The following ARHGAP8 variants were observed in gnomAD, a reference collection of about 807,000 sequenced individuals.
ARHGAP8 encodes Rho GTPase activating protein 8, also known as rho GTPase-activating protein 8.
Under a neutral mutation model 46.1 loss-of-function variants are expected in ARHGAP8, and 62 were observed. The observed-to-expected ratio is 1.34, with a 90% CI of 1.10 to 1.66. ARHGAP8 has a LOEUF of 1.66. Among genes scored for constraint, ARHGAP8 ranks in the 40% most tolerant of loss-of-function variants. The pLI is 0.00. For missense variants in ARHGAP8, 923 were observed against 568.4 expected (o/e 1.62, Z -6.34); for synonymous variants, 375 against 243.1 (o/e 1.54, Z -5.05).
intron 4 of ARHGAP8, among the ~76,000 whole-genome samples, chr22:44,813,321 A>G (rs1043555171): frequency 4.1e-5 from 6 of 145,640 alleles, no homozygotes; most frequent in Non-Finnish European, 8.8e-5. Flanking sequence ...ACCTGCATAC[A>G]CATACATACA....
chr22:44,821,726 G>T (rs1348643787), intron 5 of ARHGAP8, among the ~76,000 whole-genome samples: 1 of 152,216 alleles, frequency 6.6e-6, no homozygotes, highest in African/African-American at 2.4e-5. Flanking sequence ...CCTCACTTAG[G>T]AGGGAGAACC....
At chr22:44,848,320 GC>G (rs561494034) in intron 9 of ARHGAP8, among the ~76,000 whole-genome samples, 6 of 151,990 alleles carry the variant, frequency 3.9e-5, no homozygotes, top group African/African-American at 1.4e-4. Flanking sequence ...ACACCACGTG[GC>G]ACGTGCTTTC....
chr22:44,861,936 G>C (rs1230467567), intron 11 of ARHGAP8, among the ~76,000 whole-genome samples: 2 of 152,150 alleles, frequency 1.3e-5, no homozygotes, highest in Admixed American at 6.6e-5. Context: ...GGCCAGAGAG[G>C]TCACCAAGTT....
chr22:44,794,865 G>T (rs1425777682), intron 2 of ARHGAP8, among the ~76,000 whole-genome samples: 2 of 151,818 alleles, frequency 1.3e-5, no homozygotes, highest in African/African-American at 4.8e-5. Context: ...GTGTTCACTT[G>T]GAAGGACATT....
chr22:44,758,511 A>G (rs992223708), intron 1 of ARHGAP8, among the ~76,000 whole-genome samples: 9 of 151,984 alleles, frequency 5.9e-5, no homozygotes, highest in African/African-American at 2.2e-4. Flanking sequence ...GTGAGGAGGT[A>G]GATTTGAATT....
intron 7 of ARHGAP8, among the ~76,000 whole-genome samples, chr22:44,837,754 A>G (rs956503624): frequency 6.6e-6 from 1 of 152,146 alleles, no homozygotes; most frequent in Non-Finnish European, 1.5e-5. Flanking sequence ...TATGGAGAGT[A>G]GTAATTCGAT....
intron 10 of ARHGAP8, among the ~76,000 whole-genome samples, chr22:44,859,052 C>T (rs1371477515): frequency 1.3e-5 from 2 of 151,408 alleles, no homozygotes; most frequent in Non-Finnish European, 3.0e-5. Context: ...CAGATCTAAG[C>T]CATGGGCCGT....
At chr22:44,802,629 A>C (rs1423042054) in intron 3 of ARHGAP8, among the ~76,000 whole-genome samples, 1 of 152,152 alleles carries the variant, frequency 6.6e-6, no homozygotes, top group Non-Finnish European at 1.5e-5. Flanking sequence ...AAATGCTCTG[A>C]GTGGATCCTC....
chr22:44,812,722 C>T (rs528902879), intron 4 of ARHGAP8, among the ~76,000 whole-genome samples: 3 of 152,150 alleles, frequency 2.0e-5, no homozygotes, highest in Admixed American at 1.3e-4. Flanking sequence ...TATAAATATC[C>T]TGCTCCTTGT....
Position 44,862,676 on chromosome 22 carries a change from A to C in ARHGAP8, c.*81A>C. ...TATGTTTTGTAAACTTGGCATCTGTAAAAATAACCAGCCATTAGATGAATT... is the reference window on the plus strand; with the variant it reads ...TATGTTTTGTAAACTTGGCATCTGTCAAAATAACCAGCCATTAGATGAATT... On this transcript the variant is annotated 3_prime_UTR_variant, in exon 12 of 12. Coordinates refer to ENST00000356099, the MANE Select transcript of ARHGAP8 (RefSeq NM_181335.3). 1 of 1,459,462 alleles carries C rather than the reference A, an allele frequency of 6.9e-7. No homozygotes were observed. Among genetic ancestry groups the C allele is most frequent in the South Asian group, 1.4e-5 (1 of 69,622 alleles). The allele number at this position is 1,459,462 out of a possible 1,614,324, so 90.4% of individuals were successfully genotyped here.
intron 2 of ARHGAP8, among the ~76,000 whole-genome samples, chr22:44,791,864 C>G (rs1194583347): frequency 6.6e-6 from 1 of 152,158 alleles, no homozygotes; most frequent in African/African-American, 2.4e-5. Flanking sequence ...TTAGTGGAAG[C>G]CACTCTCCAC....
In ARHGAP8 at chr22:44,862,703, A is replaced by AT. The variant is rs2070562067; in HGVS notation, c.*108_*109insT. On this transcript the variant is annotated 3_prime_UTR_variant, in exon 12 of 12. Coordinates refer to ENST00000356099, the MANE Select transcript of ARHGAP8 (RefSeq NM_181335.3). ...AAATAACCAGCCATTAGATGAATTCAGAACCTTCTAATGAAAACTCCATGC... is the reference window on the plus strand; with the variant it reads ...AAATAACCAGCCATTAGATGAATTCATGAACCTTCTAATGAAAACTCCATGC... 7.5e-6 allele frequency: 10 copies of AT among 1,332,482 alleles called. No individual in the cohort carries two copies. The highest frequency in any genetic ancestry group is 1.0e-5 in the Non-Finnish European group (10 of 1,003,148). 82.5% of individuals were successfully genotyped at this position (1,332,482 alleles called of 1,614,324 possible).
intron 1 of ARHGAP8, among the ~76,000 whole-genome samples, chr22:44,757,494 C>T (rs1924776389): frequency 6.6e-6 from 1 of 152,084 alleles, no homozygotes; most frequent in Admixed American, 6.5e-5. Flanking sequence ...CCATGCTGGT[C>T]TCAAACTACT....
intron 2 of ARHGAP8, among the ~76,000 whole-genome samples, chr22:44,791,107 G>C (rs1252100421): frequency 6.6e-6 from 1 of 152,088 alleles, no homozygotes; most frequent in Non-Finnish European, 1.5e-5. Context: ...GAACCTTCCA[G>C]ATTATTCATC....
At chr22:44,776,763 T>C (rs1210933235) in intron 1 of ARHGAP8, among the ~76,000 whole-genome samples, 1 of 152,096 alleles carries the variant, frequency 6.6e-6, no homozygotes, top group East Asian at 1.9e-4. Flanking sequence ...CAGAGCAGAA[T>C]TAATGGCGCT....
chr22:44,852,959 C>T (rs761414676), intron 10 of ARHGAP8, among the ~76,000 whole-genome samples: 21 of 152,144 alleles, frequency 1.4e-4, no homozygotes, highest in Non-Finnish European at 2.6e-4. Context: ...CGTGTCACCA[C>T]GCCTGGCTAA....
chr22:44,819,966 G>A (rs1930011461), intron 5 of ARHGAP8, among the ~76,000 whole-genome samples: 1 of 152,212 alleles, frequency 6.6e-6, no homozygotes, highest in Admixed American at 6.5e-5. Context: ...CTGGGGCTCT[G>A]GAGCCCAGAT....
At chr22:44,799,393 G>A (rs188486910) in intron 2 of ARHGAP8, among the ~76,000 whole-genome samples, 14 of 152,234 alleles carry the variant, frequency 9.2e-5, no homozygotes, top group African/African-American at 2.9e-4. Flanking sequence ...TTGCGGATGC[G>A]GGGGGCAACA....
chr22:44,767,567 C>T (rs965021440), intron 1 of ARHGAP8, among the ~76,000 whole-genome samples: 2 of 151,966 alleles, frequency 1.3e-5, no homozygotes, highest in Non-Finnish European at 2.9e-5. Flanking sequence ...CTTTTATAAA[C>T]CAGAACCCAC....
Sources: allele counts gnomAD v4.1 joint callset (sites outside exome capture counted in the v4.1 genomes callset), GRCh38; gene constraint gnomAD v4.1.1; transcripts MANE v1.5; gene names NCBI Gene and HGNC (gene_info 2026-07-23, HGNC 2026-07-21).